SLC9A5: variants seen among roughly 807,000 people sequenced by gnomAD.
SLC9A5 encodes solute carrier family 9 member A5.
A neutral mutation model predicts 91.7 loss-of-function variants in SLC9A5; 52 were observed. The ratio of observed to expected loss-of-function variants is 0.57; its 90% CI spans 0.45 to 0.71. The LOEUF is 0.71. Among genes scored for constraint, SLC9A5 ranks in the 30% least tolerant of loss-of-function variants. The pLI is 0.00. For synonymous variants in SLC9A5, 419 were observed against 474.5 expected (o/e 0.88, Z 1.52); for missense variants, 871 against 1,158.9 (o/e 0.75, Z 3.61).
Position 67,257,128 on chromosome 16 carries a change from A to C in SLC9A5, c.1335+15A>C. On this transcript the variant is annotated intron_variant, in intron 7 of 15. Transcript: ENST00000299798. This position sits in a 1 kb window ranked among gnomAD's most constrained non-coding sequence, Gnocchi z 5.1. ...TCATCGTGCAGGTGGGAGTGCCCAC[A>C]AGGCTGGGTAGGGAGAGGGTTGGGC... 1.2e-6 allele frequency: 2 copies of C among 1,601,914 alleles called. No homozygotes were observed. Among genetic ancestry groups the C allele is most frequent in the Non-Finnish European group, 1.7e-6 (2 of 1,176,176 alleles).
At chr16:67,250,796 A>G (rs1006573889) in intron 1 of SLC9A5, among the ~76,000 whole-genome samples, 5 of 152,148 alleles carry the variant, frequency 3.3e-5, no homozygotes, top group African/African-American at 4.8e-5. Context: ...CTGTCTTGGC[A>G]TAGGGTCTCA....
At chr16:67,261,927 GGTGT>G (rs56311190) in intron 12 of SLC9A5, 10 of 151,850 alleles carry the variant, frequency 6.6e-5, no homozygotes, top group Middle Eastern at 3.2e-3. Flanking sequence ...GATTTGGTGA[GGTGT>G]GTGTGTGTGT....
chr16:67,252,988 G>A lies in SLC9A5; in HGVS notation c.490+144G>A, dbSNP rs938426543. 22 of 741,044 alleles carry A rather than the reference G, an allele frequency of 3.0e-5. No homozygotes were observed. Among genetic ancestry groups the A allele is most frequent in the Admixed American group, 5.9e-5 (2 of 34,168 alleles). 45.9% of individuals were successfully genotyped at this position (741,044 alleles called of 1,614,324 possible). On this transcript the variant is annotated intron_variant, in intron 2 of 15. Coordinates refer to ENST00000299798, the MANE Select transcript of SLC9A5 (RefSeq NM_004594.3). This position sits in a 1 kb window ranked among gnomAD's most constrained non-coding sequence, Gnocchi z 4.0. ...CTCTGGAGTGCAAGGCAGTGCTCCC[G>A]CTGGGGTTCAGGCCTCATTGAGGTC...
At position 67,252,335 on chromosome 16, in the gene SLC9A5, C is replaced by T. The variant is rs1387206429; in HGVS notation, c.188-207C>T. Among the ~76,000 whole-genome samples, 1 of 151,994 alleles carries T rather than the reference C, an allele frequency of 6.6e-6. No homozygotes were observed. The highest frequency in any genetic ancestry group is 1.5e-5 in the Non-Finnish European group (1 of 67,972). On this transcript the variant is annotated intron_variant, in intron 1 of 15. Coordinates refer to ENST00000299798, the MANE Select transcript of SLC9A5 (RefSeq NM_004594.3). This position sits in a 1 kb window ranked among gnomAD's most constrained non-coding sequence, Gnocchi z 4.0. ...GCATGGTGGCGCGTGTCTGTAGTCC[C>T]CGTACTCAGGAGGCTGAGGCAGGAG...
chr16:67,249,954 C>T lies in SLC9A5; in HGVS notation c.187+753C>T, dbSNP rs1330770059. On this transcript the variant is annotated intron_variant, in intron 1 of 15. Transcript: ENST00000299798. Reference sequence around the variant, plus strand: ...CTTTTCCTTGCATCTGCTCCTTCCTCCTCCCTTCTGAGCAGCCAGTGGTCC... The same window carrying T: ...CTTTTCCTTGCATCTGCTCCTTCCTTCTCCCTTCTGAGCAGCCAGTGGTCC... Among the ~76,000 whole-genome samples, 5 of 152,220 alleles carry T rather than the reference C, an allele frequency of 3.3e-5. No individual in the cohort carries two copies. In the East Asian group the frequency reaches 9.6e-4, roughly 29 times the overall value.
Position 67,249,173 on chromosome 16 carries a change from G to T in SLC9A5, c.159G>T (p.Trp53Cys), listed in dbSNP as rs2035009766. 6.4e-7 allele frequency: 1 copy of T among 1,554,204 alleles called. No individual in the cohort carries two copies. The highest frequency in any genetic ancestry group is 8.6e-7 in the Non-Finnish European group (1 of 1,156,114). ...AGGCGCCCTACCTGGTGGCCCTGTG[G>T]ATCCTGGTGGCCAGTCTGGCCAAAA... ...EVEAPYLVAL[W>C]ILVASLAKIV... Residue 53 changes from tryptophan (W) to cysteine (C), a missense_variant, in exon 1 of 16, where the codon TGG becomes TGT. Transcript: ENST00000299798.
In SLC9A5 at chr16:67,258,300, G is replaced by GACA. The variant is rs2035392847; in HGVS notation, c.1497-18_1497-17insACA. 2 of 1,612,914 alleles carry GACA rather than the reference G, an allele frequency of 1.2e-6. No individual in the cohort carries two copies. Among genetic ancestry groups the GACA allele is most frequent in the African/African-American group, 2.7e-5 (2 of 74,942 alleles). On this transcript the variant is annotated splice_polypyrimidine_tract_variant and intron_variant, in intron 9 of 15. Transcript: ENST00000299798. The surrounding 1 kb of genome is among the most constrained non-coding windows in gnomAD (Gnocchi z 4.5). ...CCTTGGGAATGGGACTCAGGGCCGG[G>GACA]CCTGGCATCCTCTGTAGGTGGGAGC... is the stretch of plus-strand genomic sequence containing the variant.
intron 13 of SLC9A5, 74 bp from the exon 14 acceptor site, chr16:67,264,966 T>C (rs1021170807): frequency 6.7e-7 from 1 of 1,483,884 alleles, no homozygotes; most frequent in African/African-American, 1.4e-5. Flanking sequence ...ACTTGTCCTG[T>C]TGACCCCACC....
intron 12 of SLC9A5, chr16:67,261,375 G>C (rs1000983093): frequency 6.6e-5 from 10 of 152,158 alleles, no homozygotes; most frequent in African/African-American, 2.4e-4. Flanking sequence ...CAAAATTCCA[G>C]TAGAACGAAT....
intron 10 of SLC9A5, among the ~76,000 whole-genome samples, chr16:67,259,059 A>G (rs8063476): frequency 0.89 from 134,609 of 151,632 alleles, 60,073 homozygotes; most frequent in East Asian, 1. Context: ...AGGAGTTCGA[A>G]ACCGGCCTGG....
intron 12 of SLC9A5, 96 bp downstream of exon 12, chr16:67,260,042 T>G: frequency 6.7e-7 from 1 of 1,499,134 alleles, no homozygotes; most frequent in Non-Finnish European, 8.9e-7. Context: ...GAGCTGCAGA[T>G]GCCCAGCTAA....
At position 67,255,266 on chromosome 16, in the gene SLC9A5, C is replaced by T; in HGVS notation, c.654+82C>T. ...CTAGGGGTCTGCGCAGACTCAGTCC[C>T]TTCCCTTGGGTCCCCTGGGGCAGAA... On this transcript the variant is annotated intron_variant, in intron 3 of 15. Coordinates refer to ENST00000299798, the MANE Select transcript of SLC9A5 (RefSeq NM_004594.3). This position sits in a 1 kb window ranked among gnomAD's most constrained non-coding sequence, Gnocchi z 4.9. The T allele has an allele frequency of 2.6e-6, 4 of 1,553,602 alleles. No homozygotes were observed. The South Asian group carries it at 4.7e-5, about 18-fold the overall frequency.
rs369342801 is a variant in SLC9A5 at position 67,252,650 on chromosome 16, A to G, written c.296A>G (p.Glu99Gly). The change falls in exon 2 of 16, where the codon GAG becomes GGG. Residue 99 changes from glutamate to glycine, a missense_variant. This residue lies in a region of SLC9A5 where 454 missense variants were observed against 718.3 expected (regional missense o/e 0.63). Coordinates refer to ENST00000299798, the MANE Select transcript of SLC9A5 (RefSeq NM_004594.3). This position sits in a 1 kb window ranked among gnomAD's most constrained non-coding sequence, Gnocchi z 4.0. ...GIVLAVAKKA[E>G]YQLEPGTFFL... Reference sequence around the variant, plus strand: ...GTTTTGGCTGTGGCCAAGAAAGCTGAGTACCAGCTGGAGCCAGGCACCTTC... The same window carrying G: ...GTTTTGGCTGTGGCCAAGAAAGCTGGGTACCAGCTGGAGCCAGGCACCTTC... 42 of 1,614,158 alleles carry G rather than the reference A, an allele frequency of 2.6e-5. No homozygotes were observed. Among genetic ancestry groups the G allele is most frequent in the Non-Finnish European group, 3.4e-5 (40 of 1,180,026 alleles).
rs1167125197 is a variant in SLC9A5 at position 67,258,061 on chromosome 16, A to G, written c.1497-257A>G. ...CCTGGCTAGGACGTATCTGTGTCAT[A>G]TTCTCTAATTATCCTTTGTAGTTCT... On this transcript the variant is annotated intron_variant, in intron 9 of 15. Coordinates refer to ENST00000299798, the MANE Select transcript of SLC9A5 (RefSeq NM_004594.3). This position sits in a 1 kb window ranked among gnomAD's most constrained non-coding sequence, Gnocchi z 4.5. Among the ~76,000 whole-genome samples, 2 of 152,198 alleles carry G rather than the reference A, an allele frequency of 1.3e-5. No individual in the cohort carries two copies. The highest frequency in any genetic ancestry group is 1.9e-4 in the East Asian group (1 of 5,192).
chr16:67,266,711 T>G (rs755858359), intron 15 of SLC9A5, among the ~76,000 whole-genome samples: 2 of 151,956 alleles, frequency 1.3e-5, no homozygotes, highest in African/African-American at 4.8e-5. Flanking sequence ...TGGCTAATTT[T>G]CATATTTTTA....
At chr16:67,249,665 T>C (rs1052837099) in intron 1 of SLC9A5, among the ~76,000 whole-genome samples, 2 of 152,148 alleles carry the variant, frequency 1.3e-5, no homozygotes, top group African/African-American at 2.4e-5. Context: ...GAGTGTCCAT[T>C]CCCTTGGGAA....
intron 1 of SLC9A5, among the ~76,000 whole-genome samples, chr16:67,249,803 G>C (rs963559606): frequency 4.6e-5 from 7 of 152,206 alleles, no homozygotes; most frequent in Admixed American, 4.6e-4. Flanking sequence ...CAGGGTATAA[G>C]AAACTTCCGT....
chr16:67,256,502 C>A lies in SLC9A5; in HGVS notation c.945C>A (p.Tyr315Ter). Residue 315 changes from tyrosine to a stop codon, truncating the protein, a stop_gained, in exon 6 of 16, where the codon TAC becomes TAA. Coordinates refer to ENST00000299798, the MANE Select transcript of SLC9A5 (RefSeq NM_004594.3). LOFTEE classifies it high-confidence loss of function. This position sits in a 1 kb window ranked among gnomAD's most constrained non-coding sequence, Gnocchi z 4.1. Reference protein sequence around the residue: ...VTMCGLGCKKYVEANISHKSR... With the variant: ...VTMCGLGCKK The stretch of plus-strand genomic sequence containing the variant: ...TGTGTGGCCTGGGCTGTAAGAAGTA[C>A]GTGGAGGCCAACATCTCCCATAAGT... 1.2e-6 allele frequency: 2 copies of A among 1,612,600 alleles called. No homozygotes were observed. Among genetic ancestry groups the A allele is most frequent in the Non-Finnish European group, 1.7e-6 (2 of 1,179,886 alleles).
Position 67,249,200 on chromosome 16 carries a change from C to T in SLC9A5, c.186C>T (p.Ile62=), listed in dbSNP as rs756857264. Residue 62 remains isoleucine, a splice_region_variant and synonymous_variant, in exon 1 of 16, where the codon ATC becomes ATT. Transcript: ENST00000299798. ...TCCTGGTGGCCAGTCTGGCCAAAAT[C>T]GGTGAGTGCGTGTGTGCGTGCGCCA... ...LWILVASLAK[I]VFHLSRKVTS... The T allele has an allele frequency of 1.3e-6, 2 of 1,516,524 alleles. No individual in the cohort carries two copies. The highest frequency in any genetic ancestry group is 1.8e-6 in the Non-Finnish European group (2 of 1,137,750). 93.9% of individuals were successfully genotyped at this position (1,516,524 alleles called of 1,614,324 possible).
Sources: allele counts gnomAD v4.1 joint callset (sites outside exome capture counted in the v4.1 genomes callset), GRCh38; gene constraint gnomAD v4.1.1; regional missense constraint gnomAD v4.1.1; non-coding constraint Gnocchi (gnomAD v3.1); transcripts MANE v1.5; gene names NCBI Gene and HGNC (gene_info 2026-07-23, HGNC 2026-07-21).